ADCY1: variants seen among roughly 807,000 people sequenced by gnomAD.
ADCY1 encodes adenylate cyclase type 1.
Under a neutral mutation model 105.4 loss-of-function variants are expected in ADCY1, and 28 were observed. The observed-to-expected ratio is 0.27, with a 90% CI of 0.20 to 0.36. The LOEUF is 0.36. Ranked by LOEUF, ADCY1 falls within the 10% of genes least tolerant of loss-of-function variation. ADCY1 has a pLI of 1.00. For synonymous variants in ADCY1, 655 were observed against 623.8 expected, an observed-to-expected ratio of 1.05 and a Z score of -0.75; for missense variants, 977 against 1,434.2, an observed-to-expected ratio of 0.68 and a Z score of 5.15.
At position 45,622,762 on chromosome 7, in the gene ADCY1, T is replaced by G. The variant is rs1474745075; in HGVS notation, c.1020+19T>G. ...AGCCACGGTAAGTGCAGCGTTTTTC[T>G]TTGTTCGAATTAAATTAGAATTGCT... On this transcript the variant is annotated intron_variant, in intron 4 of 19. Transcript: ENST00000297323. The G allele has an allele frequency of 6.3e-7, 1 of 1,588,532 alleles. No individual in the cohort carries two copies. The highest frequency in any genetic ancestry group is 1.1e-5 in the South Asian group (1 of 88,854).
At chr7:45,696,438 C>CAAAA (rs11365338) in intron 14 of ADCY1, among the ~76,000 whole-genome samples, 3 of 73,924 alleles carry the variant, frequency 4.1e-5, no homozygotes, top group East Asian at 4.1e-4. Flanking sequence ...TACTCCATCT[C>CAAAA]AAAAAAAAAA....
At chr7:45,579,530 G>T (rs1450380521) in intron 1 of ADCY1, among the ~76,000 whole-genome samples, 2 of 152,122 alleles carry the variant, frequency 1.3e-5, no homozygotes, top group East Asian at 3.9e-4. Context: ...TTCGTGGCCT[G>T]CAGCCTGGTC....
At position 45,703,935 on chromosome 7, in the gene ADCY1, G is replaced by T. The variant is rs1785052750; in HGVS notation, c.2718+189G>T. On this transcript the variant is annotated intron_variant, in intron 16 of 19. Transcript: ENST00000297323. This position sits in a 1 kb window ranked among gnomAD's most constrained non-coding sequence, Gnocchi z 5.9. ...CCATGACAGGAGAGAAGGGGGTCTTGACTCTAGGTTGGGGGACCAGGGCCA... is the reference window on the plus strand; with the variant it reads ...CCATGACAGGAGAGAAGGGGGTCTTTACTCTAGGTTGGGGGACCAGGGCCA... Among the ~76,000 whole-genome samples the T allele has an allele frequency of 6.6e-6, 1 of 152,230 alleles. No individual in the cohort carries two copies. Among genetic ancestry groups the T allele is most frequent in the Non-Finnish European group, 1.5e-5 (1 of 68,042 alleles).
intron 3 of ADCY1, among the ~76,000 whole-genome samples, chr7:45,617,216 G>T (rs906282355): frequency 6.6e-6 from 1 of 152,358 alleles, no homozygotes; most frequent in Admixed American, 6.5e-5. Flanking sequence ...GAGCAAAGCA[G>T]GGGTGGGCTC....
At chr7:45,679,010 G>C (rs1468821656) in intron 10 of ADCY1, among the ~76,000 whole-genome samples, 3 of 152,164 alleles carry the variant, frequency 2.0e-5, no homozygotes, top group South Asian at 4.1e-4. Flanking sequence ...AAGAAAAACA[G>C]TAGTTTAAAT....
rs762914964 is a variant in ADCY1, at chr7:45,677,956, G to A, written c.1693G>A (p.Val565Ile). The A allele has an allele frequency of 6.2e-6, 10 of 1,614,006 alleles. No individual in the cohort carries two copies. The highest frequency in any genetic ancestry group is 1.7e-5 in the Admixed American group (1 of 59,996). Residue 565 changes from valine to isoleucine, a missense_variant, in exon 9 of 20, where the codon GTC becomes ATC. By Grantham distance (29) the Val-to-Ile change is conservative. Around this residue, in one of 7 missense-constraint regions of ADCY1, gnomAD observed 275 missense variants for 362.1 expected, o/e 0.76. Transcript: ENST00000297323. ...NVVYTTPGTR[V>I]NRYISRLLEA... is the part of the protein sequence containing the mutation. Reference sequence around the variant, plus strand: ...TGTCTACACCACCCCGGGCACTCGCGTCAACAGGTACATCAGCCGCCTCTT... The same window carrying A: ...TGTCTACACCACCCCGGGCACTCGCATCAACAGGTACATCAGCCGCCTCTT...
At chr7:45,635,521 A>G (rs1159590666) in intron 4 of ADCY1, among the ~76,000 whole-genome samples, 1 of 142,856 alleles carries the variant, frequency 7.0e-6, no homozygotes, top group Non-Finnish European at 1.5e-5. Flanking sequence ...ACCTGAAAGT[A>G]TTACTTTAGC....
chr7:45,707,955 C>A (rs1785152460), intron 17 of ADCY1, among the ~76,000 whole-genome samples: 1 of 152,240 alleles, frequency 6.6e-6, no homozygotes, highest in Non-Finnish European at 1.5e-5. Context: ...CACACACATA[C>A]ATGACGATGT....
intron 4 of ADCY1, 67 bp downstream of exon 4, chr7:45,622,810 T>C: frequency 7.9e-7 from 1 of 1,266,958 alleles, no homozygotes; most frequent in Non-Finnish European, 1.1e-6. Context: ...ATAAGCCAGG[T>C]GGATTCCCTG....
chr7:45,574,759 G>A lies in ADCY1; in HGVS notation c.216G>A (p.Ala72=). The A allele has an allele frequency of 7.0e-7, 1 of 1,433,562 alleles. No individual in the cohort carries two copies. Among genetic ancestry groups the A allele is most frequent in the Non-Finnish European group, 9.1e-7 (1 of 1,103,584 alleles). The allele number at this position is 1,433,562 out of a possible 1,614,324, so 88.8% of individuals were successfully genotyped here. The part of the protein sequence containing the change: ...LKALAVLSLL[A]GALALAELLG... The stretch of plus-strand genomic sequence containing the variant: ...CGCTGGCCGTTCTCAGCCTGCTGGC[G>A]GGCGCGCTGGCGCTGGCCGAGCTGC... The change falls in exon 1 of 20, where the codon GCG becomes GCA. Residue 72 remains alanine, a synonymous_variant. Transcript: ENST00000297323. The surrounding 1 kb of genome is among the most constrained non-coding windows in gnomAD (Gnocchi z 7.0).
At chr7:45,587,291 G>A (rs749919010) in intron 1 of ADCY1, among the ~76,000 whole-genome samples, 1 of 152,198 alleles carries the variant, frequency 6.6e-6, no homozygotes, top group Non-Finnish European at 1.5e-5. Flanking sequence ...TGCATGGCAT[G>A]GCAGACAGGT....
intron 3 of ADCY1, among the ~76,000 whole-genome samples, chr7:45,622,236 A>C (rs552332605): frequency 6.6e-6 from 1 of 152,082 alleles, no homozygotes; most frequent in Non-Finnish European, 1.5e-5. Flanking sequence ...TAGGATGTGG[A>C]GGGGCCCACA....
At position 45,704,548 on chromosome 7, in the gene ADCY1, G is replaced by T; in HGVS notation, c.2749G>T (p.Glu917Ter). The part of the protein sequence containing the change: ...LMEKDFYKDI[E>*]KIKTIGSTYM... ...GGAAAAAGACTTTTACAAGGACATA[G>T]AGAAGATCAAGACCATCGGGAGCAC... Residue 917 changes from glutamate (E) to a stop codon, truncating the protein, a stop_gained, in exon 17 of 20, where the codon GAG (glutamate) becomes TAG (stop). Transcript: ENST00000297323. LOFTEE classifies it high-confidence loss of function. The T allele has an allele frequency of 6.2e-7, 1 of 1,614,202 alleles. No individual in the cohort carries two copies. Among genetic ancestry groups the T allele is most frequent in the Non-Finnish European group, 8.5e-7 (1 of 1,180,022 alleles).
intron 2 of ADCY1, among the ~76,000 whole-genome samples, chr7:45,597,768 A>G (rs1158961412): frequency 6.6e-6 from 1 of 151,986 alleles, no homozygotes; most frequent in Non-Finnish European, 1.5e-5. Context: ...CCACCTTCTC[A>G]GGGCAGCCCA....
chr7:45,662,848 C>T (rs1338748778), intron 8 of ADCY1, among the ~76,000 whole-genome samples: 1 of 152,214 alleles, frequency 6.6e-6, no homozygotes, highest in African/African-American at 2.4e-5. Flanking sequence ...GTGCTGTGGG[C>T]AGGGCGAGCC....
intron 14 of ADCY1, among the ~76,000 whole-genome samples, chr7:45,687,035 G>A (rs1784693146): frequency 6.6e-6 from 1 of 152,190 alleles, no homozygotes; most frequent in East Asian, 1.9e-4. Context: ...GGCAGTGGCA[G>A]CAGGTCTCAT....
intron 4 of ADCY1, among the ~76,000 whole-genome samples, chr7:45,637,062 C>A (rs1270230658): frequency 1.3e-5 from 2 of 152,112 alleles, no homozygotes; most frequent in African/African-American, 4.8e-5. Context: ...TTTATGATTT[C>A]ATCTCACTGC....
At position 45,703,495 on chromosome 7, in the gene ADCY1, G is replaced by A; in HGVS notation, c.2571+3G>A. On this transcript the variant is annotated splice_donor_region_variant and intron_variant, in intron 15 of 19. Transcript: ENST00000297323. The surrounding 1 kb of genome is among the most constrained non-coding windows in gnomAD (Gnocchi z 5.9). ...TCATGTCCAACCCTCGGAACATGGT[G>A]AGCACCCAGCCTGCTCCTGGCCAGC... 1 of 1,614,076 alleles carries A rather than the reference G, an allele frequency of 6.2e-7. No individual in the cohort carries two copies. Among genetic ancestry groups the A allele is most frequent in the Non-Finnish European group, 8.5e-7 (1 of 1,179,998 alleles).
Position 45,714,166 on chromosome 7 carries a change from C to G in ADCY1, c.*171C>G, listed in dbSNP as rs369945933. On this transcript the variant is annotated 3_prime_UTR_variant, in exon 20 of 20. Coordinates refer to ENST00000297323, the MANE Select transcript of ADCY1 (RefSeq NM_021116.4). ...GGCCTGTGGCCCGAGGGCCAACCAC[C>G]GAGCAGGCACAGCACAGCAGTGACT... 1.7e-6 allele frequency: 1 copy of G among 598,618 alleles called. No individual in the cohort carries two copies. The allele number at this position is 598,618 out of a possible 1,614,324, so 37.1% of individuals were successfully genotyped here.
Sources: gnomAD v4.1 joint callset for allele counts (sites outside exome capture counted in the v4.1 genomes callset) on GRCh38, gnomAD v4.1.1 for gene constraint, gnomAD v4.1.1 regional missense constraint, Gnocchi (gnomAD v3.1) non-coding constraint, MANE v1.5 for transcripts, NCBI Gene and HGNC (gene_info 2026-07-23, HGNC 2026-07-21) for gene names.